The following CTIF variants were observed in gnomAD, a reference collection of about 807,000 sequenced individuals.
CTIF encodes CBP80/20-dependent translation initiation factor.
In CTIF, 21 loss-of-function variants were observed where a neutral mutation model predicts 66.0. The ratio of observed to expected loss-of-function variants is 0.32; its 90% CI spans 0.23 to 0.46. The LOEUF (loss-of-function observed/expected upper bound fraction) is 0.46, where lower values mean the gene tolerates loss of function less well. CTIF is among the 20% of genes least tolerant of loss of function. The pLI, the probability that CTIF is intolerant of heterozygous loss-of-function variation, is 1.00. For synonymous variants in CTIF, 345 were observed against 326.4 expected (o/e 1.06, Z -0.62); for missense variants, 739 against 812.7 (o/e 0.91, Z 1.10).
chr18:48,830,996 G>A (rs2068680492), intron 10 of CTIF, among the ~76,000 whole-genome samples: 1 of 152,236 alleles, frequency 6.6e-6, no homozygotes, highest in South Asian at 2.1e-4. Context: ...TGCCTAGACT[G>A]AGCAAAGCCA....
At chr18:48,559,674 T>G (rs926130238) in intron 1 of CTIF, among the ~76,000 whole-genome samples, 1 of 152,208 alleles carries the variant, frequency 6.6e-6, no homozygotes, top group Non-Finnish European at 1.5e-5. Context: ...CAAGTTGTGC[T>G]GGCTGTTGGT....
chr18:48,721,649 T>C (rs1449161535), intron 7 of CTIF, among the ~76,000 whole-genome samples: 1 of 152,242 alleles, frequency 6.6e-6, no homozygotes, highest in East Asian at 1.9e-4. Flanking sequence ...AGGACACCAT[T>C]GTGCAGACTA....
At chr18:48,658,699 GTATA>G (rs2091287788) in intron 3 of CTIF, among the ~76,000 whole-genome samples, 2 of 152,132 alleles carry the variant, frequency 1.3e-5, no homozygotes, top group Admixed American at 1.3e-4. Context: ...GTAGTATTGT[GTATA>G]TATGTGTCTG....
intron 6 of CTIF, among the ~76,000 whole-genome samples, chr18:48,672,024 G>A (rs1243948763): frequency 1.8e-5 from 1 of 56,454 alleles, no homozygotes; most frequent in African/African-American, 8.2e-5. Context: ...TTAAAGCATT[G>A]TAGGAAATTC....
At chr18:48,589,130 T>C (rs903661695) in intron 1 of CTIF, among the ~76,000 whole-genome samples, 2 of 152,204 alleles carry the variant, frequency 1.3e-5, no homozygotes, top group African/African-American at 2.4e-5. Flanking sequence ...TGCCTGCGTG[T>C]ATGAGTTTCC....
At chr18:48,759,725 T>C (rs913008314) in intron 8 of CTIF, among the ~76,000 whole-genome samples, 1 of 152,226 alleles carries the variant, frequency 6.6e-6, no homozygotes, top group Non-Finnish European at 1.5e-5. Context: ...TATGTTCTTG[T>C]GGGTATTCCT....
At chr18:48,705,913 C>T (rs1056148744) in intron 6 of CTIF, among the ~76,000 whole-genome samples, 1 of 152,272 alleles carries the variant, frequency 6.6e-6, no homozygotes, top group African/African-American at 2.4e-5. Context: ...AACTATCGCA[C>T]ATGGCACATA....
intron 9 of CTIF, among the ~76,000 whole-genome samples, chr18:48,812,485 G>T (rs991749521): frequency 3.3e-5 from 5 of 152,046 alleles, no homozygotes; most frequent in African/African-American, 9.7e-5. Context: ...TTCTTCCTTT[G>T]TAAGAAGACT....
At chr18:48,550,559 G>A (rs1005664559) in intron 1 of CTIF, among the ~76,000 whole-genome samples, 32 of 152,200 alleles carry the variant, frequency 2.1e-4, no homozygotes, top group African/African-American at 6.8e-4. Context: ...TGCAAGCTAA[G>A]AGACAAATCT....
intron 7 of CTIF, among the ~76,000 whole-genome samples, chr18:48,728,399 G>A (rs1568168952): frequency 6.6e-6 from 1 of 152,166 alleles, no homozygotes; most frequent in Non-Finnish European, 1.5e-5. Flanking sequence ...GTTATCTCTT[G>A]CTGTGTAACA....
intron 7 of CTIF, among the ~76,000 whole-genome samples, chr18:48,737,670 C>T (rs1356299888): frequency 6.6e-6 from 1 of 151,940 alleles, no homozygotes; most frequent in Non-Finnish European, 1.5e-5. Flanking sequence ...CTGTTTCTCT[C>T]TGAAAAGACA....
At chr18:48,567,857 A>G (rs140842298) in intron 1 of CTIF, 4 of 152,468 alleles carry the variant, frequency 2.6e-5, no homozygotes, top group African/African-American at 4.8e-5. Flanking sequence ...TTTGCAGCAG[A>G]GCAGTACCCT....
intron 9 of CTIF, among the ~76,000 whole-genome samples, chr18:48,812,658 G>A (rs1276382724): frequency 6.6e-6 from 1 of 151,856 alleles, no homozygotes; most frequent in Non-Finnish European, 1.5e-5. Flanking sequence ...GGAAGCTGAG[G>A]TGGAAGGATC....
Position 48,709,895 on chromosome 18 carries a change from G to C in CTIF, c.508-1724G>C, listed in dbSNP as rs560220215. On this transcript the variant is annotated intron_variant, in intron 6 of 11. Coordinates refer to ENST00000256413, the MANE Select transcript of CTIF (RefSeq NM_014772.3). Reference sequence around the variant, plus strand: ...TAGATTGTTGGAGGCAAGAGAGACGGGGGTGAGAGGAAAGGATTGTTATTA... The same window carrying C: ...TAGATTGTTGGAGGCAAGAGAGACGCGGGTGAGAGGAAAGGATTGTTATTA... 3.1e-3 allele frequency among the ~76,000 whole-genome samples: 478 copies of C among 152,358 alleles called. 1 individual carries two copies. The highest frequency in any genetic ancestry group is 5.8e-3 in the Non-Finnish European group (394 of 68,028).
At chr18:48,643,554 G>A (rs889605386) in intron 3 of CTIF, among the ~76,000 whole-genome samples, 3 of 152,286 alleles carry the variant, frequency 2.0e-5, no homozygotes, top group Non-Finnish European at 2.9e-5. Context: ...TTTATGGCCA[G>A]TTTTTAAAAA....
At chr18:48,632,268 T>C (rs1761061001) in intron 2 of CTIF, among the ~76,000 whole-genome samples, 1 of 152,142 alleles carries the variant, frequency 6.6e-6, no homozygotes, top group African/African-American at 2.4e-5. Context: ...GCCCAGTGGG[T>C]AGAGCTTGCT....
At chr18:48,838,975 C>T (rs1364171659) in intron 10 of CTIF, among the ~76,000 whole-genome samples, 2 of 152,202 alleles carry the variant, frequency 1.3e-5, no homozygotes, top group African/African-American at 4.8e-5. Flanking sequence ...CAAGCCTGCA[C>T]CTCCTCCCGG....
At chr18:48,554,642 C>T (rs909297325) in intron 1 of CTIF, among the ~76,000 whole-genome samples, 7 of 152,272 alleles carry the variant, frequency 4.6e-5, no homozygotes, top group African/African-American at 9.6e-5. Context: ...CAGCCTAACA[C>T]CAGCTTTTCG....
intron 2 of CTIF, among the ~76,000 whole-genome samples, chr18:48,633,127 C>T (rs1032613742): frequency 6.6e-6 from 1 of 152,120 alleles, no homozygotes; most frequent in Non-Finnish European, 1.5e-5. Flanking sequence ...ACCAGCACTA[C>T]GCAGCTGGGG....
Sources: gnomAD v4.1 joint callset for allele counts (sites outside exome capture counted in the v4.1 genomes callset) on GRCh38, gnomAD v4.1.1 for gene constraint, MANE v1.5 for transcripts, NCBI Gene and HGNC (gene_info 2026-07-23, HGNC 2026-07-21) for gene names.